Variants in RELL1 observed in about 807,000 individuals in gnomAD.
RELL1 encodes the protein RELT like 1, also known as RELT-like protein 1.
RELL1 carries 10 observed loss-of-function variants against 23.0 expected under a neutral mutation model. That is an observed-to-expected ratio of 0.43 (90% CI 0.27 to 0.74). The LOEUF (loss-of-function observed/expected upper bound fraction) is 0.74, where lower values mean the gene tolerates loss of function less well. Among genes scored for constraint, RELL1 ranks in the 30% least tolerant of loss-of-function variants. The pLI, the probability that RELL1 is intolerant of heterozygous loss-of-function variation, is 0.19. For missense variants in RELL1, 315 were observed against 364.4 expected (o/e 0.86, Z 1.10); for synonymous variants, 146 against 146.8 (o/e 0.99, Z 0.04).
chr4:37,663,323 G>C (rs559241868), intron 1 of RELL1, among the ~76,000 whole-genome samples: 21 of 152,164 alleles, frequency 1.4e-4, no homozygotes, highest in Non-Finnish European at 2.6e-4. Flanking sequence ...CAGGAATGGA[G>C]AGAGCCTCTG....
At chr4:37,662,006 A>G (rs1721373582) in intron 1 of RELL1, among the ~76,000 whole-genome samples, 1 of 152,060 alleles carries the variant, frequency 6.6e-6, no homozygotes, top group Non-Finnish European at 1.5e-5. Context: ...CCCATGAAAC[A>G]AAACCCCACC....
chr4:37,605,856 A>G (rs887623515), downstream of RELL1, among the ~76,000 whole-genome samples: 9 of 143,904 alleles, frequency 6.3e-5, no homozygotes, highest in Non-Finnish European at 1.4e-4. Context: ...GGAAAAGAAA[A>G]GAAAAGAAAG....
intron 1 of RELL1, among the ~76,000 whole-genome samples, chr4:37,670,383 T>C (rs1169422271): frequency 1.3e-5 from 2 of 152,182 alleles, no homozygotes; most frequent in Non-Finnish European, 2.9e-5. Flanking sequence ...ATCCATCATA[T>C]TGACATTTTA....
intron 6 of RELL1, among the ~76,000 whole-genome samples, chr4:37,604,822 GACACACACATACACACAGACACACACAC>G (rs1719121650): frequency 0.066 from 2,599 of 39,554 alleles, 135 homozygotes; most frequent in African/African-American, 0.17. Context: ...CACACACACA[GACACACACATACACACAGACACACACAC>G]AGACACACAC....
intron 1 of RELL1, among the ~76,000 whole-genome samples, chr4:37,663,764 G>A (rs2109300561): frequency 6.6e-6 from 1 of 152,300 alleles, no homozygotes; most frequent in South Asian, 2.1e-4. Flanking sequence ...GTCTGTAAGT[G>A]GCGGTGGCCT....
chr4:37,660,134 G>A (rs1052018375), intron 1 of RELL1, among the ~76,000 whole-genome samples: 2 of 151,602 alleles, frequency 1.3e-5, no homozygotes, highest in African/African-American at 4.9e-5. Context: ...ATCTGAGAAG[G>A]GTCTATTTTT....
intron 1 of RELL1, among the ~76,000 whole-genome samples, chr4:37,668,655 G>C (rs893828356): frequency 6.6e-6 from 1 of 151,996 alleles, no homozygotes; most frequent in African/African-American, 2.4e-5. Context: ...GGGAAGTGAG[G>C]AGCGTCTCTG....
chr4:37,604,347 TCAA>T (rs1287397412), intron 6 of RELL1, among the ~76,000 whole-genome samples: 1 of 149,356 alleles, frequency 6.7e-6, no homozygotes, highest in Non-Finnish European at 1.5e-5. Context: ...GTGACCCCTT[TCAA>T]CTATAAATCG....
intron 1 of RELL1, among the ~76,000 whole-genome samples, chr4:37,661,021 ACT>A (rs1461655737): frequency 2.0e-5 from 3 of 150,158 alleles, no homozygotes; most frequent in Middle Eastern, 3.2e-3. Context: ...ACAGAGTGAG[ACT>A]CTGTCTCAAA....
chr4:37,606,200 G>A (rs73230532), downstream of RELL1, among the ~76,000 whole-genome samples: 93 of 77,426 alleles, frequency 1.2e-3, no homozygotes, highest in South Asian at 3.7e-3. The surrounding 1 kb of genome is among the most constrained non-coding windows in gnomAD (Gnocchi z 4.1). Context: ...AGAGAAAGAA[G>A]AAAGAAAGAA....
chr4:37,605,793 G>GAGAGAGAGAGAAAGAAAGAA (rs1269670059), downstream of RELL1, among the ~76,000 whole-genome samples: 105 of 90,382 alleles, frequency 1.2e-3, no homozygotes, highest in East Asian at 8.6e-3. Context: ...GAGAAAGAAA[G>GAGAGAGAGAGAAAGAAAGAA]AGAAAGAAAG....
At chr4:37,590,034 A>T, downstream of RELL1, 3 of 1,302,494 alleles carry the variant, frequency 2.3e-6, no homozygotes, top group East Asian at 7.0e-5. Flanking sequence ...GGCCTGTGGT[A>T]AAAAGCATTA....
At chr4:37,587,515 GA>G (rs1718388731), downstream of RELL1, among the ~76,000 whole-genome samples, 2 of 152,188 alleles carry the variant, frequency 1.3e-5, no homozygotes, top group South Asian at 2.1e-4. Flanking sequence ...AAAAGCTTAT[GA>G]AGCAGCATCC....
chr4:37,649,241 C>A (rs1720807609), intron 2 of RELL1, 35 bp downstream of exon 2: 1 of 1,531,966 alleles, frequency 6.5e-7, no homozygotes, highest in Admixed American at 1.7e-5. Flanking sequence ...AAAACTGTCT[C>A]CTCACCCCCA....
At chr4:37,651,545 G>A (rs1302934933) in intron 1 of RELL1, among the ~76,000 whole-genome samples, 17 of 152,198 alleles carry the variant, frequency 1.1e-4, no homozygotes, top group Non-Finnish European at 5.9e-5. Flanking sequence ...AAAAGAATCC[G>A]TATTGTAATT....
At chr4:37,669,129 T>G (rs1721674294) in intron 1 of RELL1, among the ~76,000 whole-genome samples, 1 of 118,296 alleles carries the variant, frequency 8.5e-6, no homozygotes, top group Admixed American at 8.3e-5. Context: ...CCGCCCCTAC[T>G]GGGAAGTGAG....
chr4:37,642,147 G>A (rs1720552383), intron 3 of RELL1, among the ~76,000 whole-genome samples: 1 of 152,134 alleles, frequency 6.6e-6, no homozygotes, highest in Admixed American at 6.5e-5. Flanking sequence ...AACAGAGAAA[G>A]TTTCAGAACC....
chr4:37,604,822 GAC>G (rs1719121130), intron 6 of RELL1, among the ~76,000 whole-genome samples: 2 of 39,536 alleles, frequency 5.1e-5, no homozygotes, highest in African/African-American at 6.8e-5. Flanking sequence ...CACACACACA[GAC>G]ACACACATAC....
chr4:37,636,463 C>T (rs958861300), intron 4 of RELL1, among the ~76,000 whole-genome samples: 14 of 151,812 alleles, frequency 9.2e-5, no homozygotes, highest in South Asian at 2.1e-4. Flanking sequence ...GGGGTGGTGG[C>T]GGGCGCCTGT....
Sources: allele counts gnomAD v4.1 joint callset (sites outside exome capture counted in the v4.1 genomes callset), GRCh38; gene constraint gnomAD v4.1.1; non-coding constraint Gnocchi (gnomAD v3.1); transcripts MANE v1.5; gene names NCBI Gene and HGNC (gene_info 2026-07-23, HGNC 2026-07-21).